The following ABCG1 variants were observed in gnomAD, a reference collection of about 807,000 sequenced individuals.
ABCG1 encodes the protein ATP-binding cassette sub-family G member 1.
A neutral mutation model predicts 69.2 loss-of-function variants in ABCG1; 29 were observed. The ratio of observed to expected loss-of-function variants is 0.42; its 90% confidence interval spans 0.31 to 0.57. The LOEUF is 0.57. Among genes scored for constraint, ABCG1 ranks in the 20% least tolerant of loss-of-function variants. ABCG1 has a pLI of 0.15. For missense variants in ABCG1, 718 were observed against 898.1 expected (o/e 0.80, Z 2.56); for synonymous variants, 370 against 374.8 (o/e 0.99, Z 0.15).
chr21:42,214,147 G>T (rs141164840), upstream of ABCG1, among the ~76,000 whole-genome samples: 1 of 152,354 alleles, frequency 6.6e-6, no homozygotes, highest in East Asian at 1.9e-4. Flanking sequence ...TGCTCAGTGT[G>T]ATTAATACTC....
At chr21:42,223,672 G>T (rs755124306) in intron 1 of ABCG1, among the ~76,000 whole-genome samples, 1 of 152,194 alleles carries the variant, frequency 6.6e-6, no homozygotes, top group Non-Finnish European at 1.5e-5. Flanking sequence ...CAGGTCAGGG[G>T]CCATGTCTGC....
intron 5 of ABCG1, among the ~76,000 whole-genome samples, chr21:42,280,773 G>A (rs2068793815): frequency 6.6e-6 from 1 of 152,224 alleles, no homozygotes; most frequent in African/African-American, 2.4e-5. Context: ...AGTGAGCCTG[G>A]AAGCACCAGA....
At chr21:42,238,947 C>A (rs1601374215) in intron 2 of ABCG1, among the ~76,000 whole-genome samples, 3 of 152,176 alleles carry the variant, frequency 2.0e-5, no homozygotes, top group African/African-American at 7.2e-5. Flanking sequence ...AATGTTGTAG[C>A]TTTATAGAAA....
At chr21:42,283,691 C>G (rs956335081) in intron 6 of ABCG1, among the ~76,000 whole-genome samples, 1 of 122,194 alleles carries the variant, frequency 8.2e-6, no homozygotes, top group Non-Finnish European at 1.7e-5. Context: ...CCACCTCTTT[C>G]CCACCTGGAC....
At chr21:42,284,513 T>C (rs765258361) in intron 6 of ABCG1, 47 bp from the exon 7 acceptor site, 1 of 1,603,080 alleles carries the variant, frequency 6.2e-7, no homozygotes, top group Non-Finnish European at 8.5e-7. Context: ...GGGCAGTGGC[T>C]AGTTCCTGCC....
At chr21:42,244,237 C>T (rs1247422134) in intron 2 of ABCG1, among the ~76,000 whole-genome samples, 1 of 152,112 alleles carries the variant, frequency 6.6e-6, no homozygotes, top group Non-Finnish European at 1.5e-5. Context: ...GAGAGGGCAT[C>T]CTAGGAGTGG....
In ABCG1 at chr21:42,225,900, G is replaced by C. The variant is rs2067809527; in HGVS notation, c.272G>C (p.Trp91Ser). The C allele has an allele frequency of 6.2e-7, 1 of 1,612,324 alleles. No individual in the cohort carries two copies. The highest frequency in any genetic ancestry group is 1.7e-5 in the Admixed American group (1 of 59,984). Reference sequence around the variant, plus strand: ...TCCTATTCGGTTCCTGAAGGACCCTGGTGGAGGAAGAAAGGTAGGGAGGGC... The same window carrying C: ...TCCTATTCGGTTCCTGAAGGACCCTCGTGGAGGAAGAAAGGTAGGGAGGGC... ...DLSYSVPEGP[W>S]WRKKGYKTLL... Residue 91 changes from tryptophan (W) to serine (S), a missense_variant, in exon 2 of 15, where the codon TGG becomes TCG. Trp to Ser is a radical substitution (Grantham distance 177). Transcript: ENST00000398449.
intron 1 of ABCG1, among the ~76,000 whole-genome samples, chr21:42,224,989 C>T (rs567667509): frequency 6.6e-6 from 1 of 151,640 alleles, no homozygotes; most frequent in South Asian, 2.1e-4. Flanking sequence ...ACTTCTGCTA[C>T]TCACTTGATT....
chr21:42,279,063 C>G (rs1368489385), intron 5 of ABCG1, among the ~76,000 whole-genome samples: 1 of 152,120 alleles, frequency 6.6e-6, no homozygotes, highest in Non-Finnish European at 1.5e-5. Context: ...TCCTTCCCAT[C>G]CCCCGGCCTC....
chr21:42,216,700 A>T (rs910605331), upstream of ABCG1, among the ~76,000 whole-genome samples: 2 of 152,126 alleles, frequency 1.3e-5, no homozygotes, highest in Non-Finnish European at 2.9e-5. Flanking sequence ...TAGTCCTGAA[A>T]CCACTGCACT....
chr21:42,296,284 G>C lies in ABCG1; in HGVS notation c.1893G>C (p.Val631=). The change falls in exon 15 of 15, where the codon GTG becomes GTC. Residue 631 remains valine (V), a synonymous_variant. Coordinates refer to ENST00000398449, the MANE Select transcript of ABCG1 (RefSeq NM_016818.3). The surrounding 1 kb of genome is among the most constrained non-coding windows in gnomAD (Gnocchi z 5.4). Reference sequence around the variant, plus strand: ...AGGCCATCCTGCGGGAGCTGGACGTGGAAAATGCCAAGCTGTACCTGGACT... The same window carrying C: ...AGGCCATCCTGCGGGAGCTGGACGTCGAAAATGCCAAGCTGTACCTGGACT... ...KSEAILRELD[V]ENAKLYLDFI... 6.2e-7 allele frequency: 1 copy of C among 1,614,110 alleles called. No homozygotes were observed. The highest frequency in any genetic ancestry group is 8.5e-7 in the Non-Finnish European group (1 of 1,180,022).
chr21:42,276,801 G>T lies in ABCG1; in HGVS notation c.538-94G>T. 1 of 1,307,694 alleles carries T rather than the reference G, an allele frequency of 7.6e-7. No homozygotes were observed. The highest frequency in any genetic ancestry group is 1.1e-6 in the Non-Finnish European group (1 of 912,190). 81.0% of individuals were successfully genotyped at this position (1,307,694 alleles called of 1,614,324 possible). Reference sequence around the variant, plus strand: ...TGGCACTGTGGCTAGCTGCATCTTGGCTAGCTGCACCGTGGCCTGCAGTGC... The same window carrying T: ...TGGCACTGTGGCTAGCTGCATCTTGTCTAGCTGCACCGTGGCCTGCAGTGC... On this transcript the variant is annotated intron_variant, in intron 4 of 14. Coordinates refer to ENST00000398449, the MANE Select transcript of ABCG1 (RefSeq NM_016818.3). This position sits in a 1 kb window ranked among gnomAD's most constrained non-coding sequence, Gnocchi z 5.3.
chr21:42,205,014 T>C (rs1387144556), intron 2 of ABCG1, among the ~76,000 whole-genome samples: 1 of 151,236 alleles, frequency 6.6e-6, no homozygotes, highest in Admixed American at 6.6e-5. Flanking sequence ...GTGTTGTTTT[T>C]GTTGTTTTTT....
chr21:42,213,338 C>T, upstream of ABCG1, among the ~76,000 whole-genome samples: 1 of 152,268 alleles, frequency 6.6e-6, no homozygotes, highest in Non-Finnish European at 1.5e-5. Context: ...ATCAATAAAC[C>T]TTGGGCTTCT....
At chr21:42,278,320 C>A (rs189310488) in intron 5 of ABCG1, among the ~76,000 whole-genome samples, 1 of 152,078 alleles carries the variant, frequency 6.6e-6, no homozygotes, top group African/African-American at 2.4e-5. Flanking sequence ...CTCCCAAGCC[C>A]GAGAATGTTA....
chr21:42,256,149 TG>T, intron 2 of ABCG1: 2 of 1,391,276 alleles, frequency 1.4e-6, no homozygotes, highest in Non-Finnish European at 1.9e-6. Context: ...TTGTGAAACC[TG>T]GGCGTGATAT....
At chr21:42,248,146 C>T (rs1198579371) in intron 2 of ABCG1, among the ~76,000 whole-genome samples, 2 of 152,218 alleles carry the variant, frequency 1.3e-5, no homozygotes, top group Admixed American at 1.3e-4. Flanking sequence ...GATTAGGTTT[C>T]TTTCTGCTTA....
chr21:42,270,238 C>T (rs1045501147), intron 2 of ABCG1, among the ~76,000 whole-genome samples: 13 of 115,980 alleles, frequency 1.1e-4, no homozygotes, highest in African/African-American at 2.5e-4. Context: ...CTAGCATGGG[C>T]GACAGAGCAA....
intron 2 of ABCG1, among the ~76,000 whole-genome samples, chr21:42,241,559 C>T (rs1421874189): frequency 6.6e-6 from 1 of 150,906 alleles, no homozygotes; most frequent in African/African-American, 2.4e-5. Flanking sequence ...GAGCTGAGAT[C>T]GCACCACTGC....
Sources: gnomAD v4.1 joint callset for allele counts (sites outside exome capture counted in the v4.1 genomes callset) on GRCh38, gnomAD v4.1.1 for gene constraint, Gnocchi (gnomAD v3.1) non-coding constraint, MANE v1.5 for transcripts, NCBI Gene and HGNC (gene_info 2026-07-23, HGNC 2026-07-21) for gene names.